SHOC2: variants seen among roughly 807,000 people sequenced by gnomAD.
The protein encoded by SHOC2 is leucine-rich repeat protein SHOC-2.
In SHOC2, 4 loss-of-function variants were observed where a neutral mutation model predicts 50.2. The observed-to-expected ratio is 0.08, with a 90% CI of 0.04 to 0.18. The LOEUF (loss-of-function observed/expected upper bound fraction) is 0.18, where lower values mean the gene tolerates loss of function less well. Ranked by LOEUF, SHOC2 falls within the 10% of genes least tolerant of loss-of-function variation. The pLI is 1.00. For missense variants in SHOC2, 388 were observed against 669.6 expected, an observed-to-expected ratio of 0.58 and a Z score of 4.64; for synonymous variants, 218 against 244.5, an observed-to-expected ratio of 0.89 and a Z score of 1.01.
chr10:110,919,866 G>A (rs1229882642), intron 1 of SHOC2: 2 of 365,410 alleles, frequency 5.5e-6, no homozygotes, highest in Middle Eastern at 7.0e-4. Flanking sequence ...GTCTCCGGGA[G>A]TGCGGGGCCC....
At position 110,949,189 on chromosome 10, in the gene SHOC2, G is replaced by C. The variant is rs147431196; in HGVS notation, c.-234-14936G>C. 3.2e-3 allele frequency among the ~76,000 whole-genome samples: 487 copies of C among 152,158 alleles called. 26 individuals are homozygous for C. The South Asian group carries it at 0.093, about 29-fold the overall frequency. On this transcript the variant is annotated intron_variant, in intron 1 of 8. Transcript: ENST00000369452. ...AGAGTTGGTTTTGTGAAAAGAAACTGAACTGACAAATCTTTAGCTAGACTA... is the reference window on the plus strand; with the variant it reads ...AGAGTTGGTTTTGTGAAAAGAAACTCAACTGACAAATCTTTAGCTAGACTA...
Position 110,936,604 on chromosome 10 carries a change from T to TTTTTTTTTTA in SHOC2, c.-235+16947_-235+16948insTTTTTTTTTA, listed in dbSNP as rs763178456. ...TTTTCTTTTCCTTTTTTTTTTTTTT[T>TTTTTTTTTTA]AACAGTCTTTATTGGGCTCAGACCA... On this transcript the variant is annotated intron_variant, in intron 1 of 8. Coordinates refer to ENST00000369452, the MANE Select transcript of SHOC2 (RefSeq NM_007373.4). 1.4e-4 allele frequency: 108 copies of TTTTTTTTTTA among 761,860 alleles called. No individual in the cohort carries two copies. In the East Asian group the frequency reaches 2.4e-3, roughly 17 times the overall value. The allele number at this position is 761,860 out of a possible 1,614,324, so 47.2% of individuals were successfully genotyped here.
intron 2 of SHOC2, among the ~76,000 whole-genome samples, chr10:110,981,977 G>A (rs998070727): frequency 4.3e-5 from 6 of 139,706 alleles, no homozygotes; most frequent in Non-Finnish European, 6.2e-5. Flanking sequence ...CTAGCATTAG[G>A]TATATCTCCC....
intron 1 of SHOC2, among the ~76,000 whole-genome samples, chr10:110,959,146 C>A (rs1205557924): frequency 6.6e-6 from 1 of 151,986 alleles, no homozygotes; most frequent in Admixed American, 6.6e-5. Context: ...AGGCACAATA[C>A]CAGAAAGCAA....
chr10:110,990,837 A>G (rs562328082), intron 3 of SHOC2, among the ~76,000 whole-genome samples: 1 of 152,262 alleles, frequency 6.6e-6, no homozygotes, highest in East Asian at 1.9e-4. Flanking sequence ...AAAATTTAAG[A>G]TACTTGAAAT....
At chr10:111,003,382 A>G (rs899137486) in intron 4 of SHOC2, among the ~76,000 whole-genome samples, 3 of 152,152 alleles carry the variant, frequency 2.0e-5, no homozygotes, top group African/African-American at 7.2e-5. Context: ...ATCCTTCAAG[A>G]TCTAGCTCAC....
chr10:111,008,003 T>A (rs985248823), intron 6 of SHOC2, among the ~76,000 whole-genome samples: 1 of 151,672 alleles, frequency 6.6e-6, no homozygotes, highest in Admixed American at 6.6e-5. Context: ...ATTCTCAGAC[T>A]GTCATTTAGA....
chr10:110,992,830 AGTT>A (rs1848209042), intron 3 of SHOC2, among the ~76,000 whole-genome samples: 1 of 152,096 alleles, frequency 6.6e-6, no homozygotes, highest in African/African-American at 2.4e-5. Context: ...GTTTGCTTTC[AGTT>A]TAATGTTTCT....
chr10:110,950,492 T>C (rs908615824), intron 1 of SHOC2, among the ~76,000 whole-genome samples: 1 of 152,154 alleles, frequency 6.6e-6, no homozygotes, highest in African/African-American at 2.4e-5. Context: ...AAAATTCCAA[T>C]GATATTTTAC....
intron 3 of SHOC2, chr10:110,988,879 A>G (rs1423646717): frequency 2.2e-6 from 1 of 461,812 alleles, no homozygotes; most frequent in East Asian, 7.0e-5. Context: ...TTTCCTTTTA[A>G]AAGTTTTTTC....
At chr10:110,944,021 CTCTT>C (rs1490228937) in intron 1 of SHOC2, among the ~76,000 whole-genome samples, 1 of 152,198 alleles carries the variant, frequency 6.6e-6, no homozygotes, top group Non-Finnish European at 1.5e-5. Context: ...CACCAGTCTC[CTCTT>C]TCTTGCTCGT....
At chr10:110,951,636 T>C (rs1213175049) in intron 1 of SHOC2, 2 of 152,174 alleles carry the variant, frequency 1.3e-5, no homozygotes, top group Non-Finnish European at 2.9e-5. Context: ...AGATATGAAA[T>C]CAACCTATGT....
chr10:110,988,600 G>C (rs186783645), intron 3 of SHOC2, among the ~76,000 whole-genome samples: 2 of 151,852 alleles, frequency 1.3e-5, no homozygotes, highest in African/African-American at 2.4e-5. Context: ...AATCATTCTG[G>C]TTAGAAGTAT....
intron 3 of SHOC2, among the ~76,000 whole-genome samples, chr10:110,990,493 G>A (rs534552032): frequency 6.6e-6 from 1 of 151,782 alleles, no homozygotes; most frequent in East Asian, 1.9e-4. Context: ...GAGAACCTGT[G>A]TGTCGAAACT....
chr10:110,952,507 C>T (rs1368202815), intron 1 of SHOC2, among the ~76,000 whole-genome samples: 18 of 151,922 alleles, frequency 1.2e-4, no homozygotes, highest in Admixed American at 1.0e-3. Flanking sequence ...TGTGTTCCAC[C>T]TATTCATCCC....
chr10:110,982,161 C>T (rs1847992867), intron 2 of SHOC2, among the ~76,000 whole-genome samples: 2 of 148,062 alleles, frequency 1.4e-5, no homozygotes, highest in African/African-American at 4.9e-5. Context: ...CAATTTCATC[C>T]ATGTCCCTAC....
chr10:111,009,162 AT>A, intron 6 of SHOC2, 85 bp from the exon 7 acceptor site: 1 of 892,740 alleles, frequency 1.1e-6, no homozygotes, highest in Non-Finnish European at 1.8e-6. Flanking sequence ...GAAAATTAGC[AT>A]TGCTTAATAG....
At chr10:110,995,459 C>CA (rs1848253157) in intron 3 of SHOC2, among the ~76,000 whole-genome samples, 2 of 152,150 alleles carry the variant, frequency 1.3e-5, no homozygotes, top group African/African-American at 4.8e-5. Flanking sequence ...TGAGGACAGT[C>CA]AAACAGCATG....
intron 2 of SHOC2, among the ~76,000 whole-genome samples, chr10:110,975,158 CT>C (rs200869891): frequency 0.02 from 2,824 of 142,918 alleles, 74 homozygotes; most frequent in African/African-American, 0.062. Context: ...TCCCATGTTA[CT>C]TTTTTTTTTT....
Sources: gnomAD v4.1 joint callset for allele counts (sites outside exome capture counted in the v4.1 genomes callset) on GRCh38, gnomAD v4.1.1 for gene constraint, MANE v1.5 for transcripts, NCBI Gene and HGNC (gene_info 2026-07-23, HGNC 2026-07-21) for gene names.